The following CSTPP1 variants were observed in gnomAD, a reference collection of about 807,000 sequenced individuals.
The protein encoded by CSTPP1 is UPF0705 protein C11orf49.
chr11:47,071,029 TCC>T, the CSTPP1 span, among the ~76,000 whole-genome samples: 1 of 152,112 alleles, frequency 6.6e-6, no homozygotes, highest in African/African-American at 2.4e-5. Flanking sequence ...GTCCTGCCCA[TCC>T]TCAAATAGAC....
the CSTPP1 span, among the ~76,000 whole-genome samples, chr11:47,064,134 T>A: frequency 6.6e-6 from 1 of 152,142 alleles, no homozygotes; most frequent in Non-Finnish European, 1.5e-5. Flanking sequence ...TCTAGAGGAG[T>A]ATCTATTCAA....
the CSTPP1 span, among the ~76,000 whole-genome samples, chr11:47,063,576 A>G: frequency 6.6e-6 from 1 of 152,304 alleles, no homozygotes; most frequent in East Asian, 1.9e-4. Flanking sequence ...TGTGTACAAT[A>G]TCTGTCCTTT....
the CSTPP1 span, among the ~76,000 whole-genome samples, chr11:46,970,785 T>C: frequency 1.3e-5 from 2 of 152,174 alleles, no homozygotes; most frequent in Admixed American, 1.3e-4. Flanking sequence ...GTTACAGTCC[T>C]GTCAAGCAGT....
At chr11:47,135,031 C>A in the CSTPP1 span, among the ~76,000 whole-genome samples, 43 of 152,098 alleles carry the variant, frequency 2.8e-4, no homozygotes, top group African/African-American at 9.2e-4. Context: ...ATCACTTGAG[C>A]TCAGGAGTTC....
the CSTPP1 span, among the ~76,000 whole-genome samples, chr11:46,940,174 C>T: frequency 3.2e-4 from 48 of 152,204 alleles, no homozygotes; most frequent in African/African-American, 1.0e-3. Context: ...CGCCTGGCCT[C>T]GAAGTAATTT....
chr11:47,054,310 CA>C, the CSTPP1 span, among the ~76,000 whole-genome samples: 256 of 41,566 alleles, frequency 6.2e-3, no homozygotes, highest in African/African-American at 0.015. Flanking sequence ...TACTCCGTCT[CA>C]AAAAAAAAAA....
the CSTPP1 span, among the ~76,000 whole-genome samples, chr11:47,148,201 C>T: frequency 1.3e-5 from 2 of 152,284 alleles, no homozygotes; most frequent in Middle Eastern, 3.4e-3. Flanking sequence ...CGTGTCATCG[C>T]TGCTTCTCTC....
At chr11:47,137,376 C>T in the CSTPP1 span, 29 of 1,477,974 alleles carry the variant, frequency 2.0e-5, no homozygotes, top group Non-Finnish European at 2.3e-5. Flanking sequence ...CTCTTGTTTG[C>T]TCTCTTCACC....
At chr11:47,122,065 G>C in the CSTPP1 span, among the ~76,000 whole-genome samples, 1 of 23,842 alleles carries the variant, frequency 4.2e-5, no homozygotes, top group Non-Finnish European at 7.1e-5. Flanking sequence ...GCAAGACCCT[G>C]TCTCAAAAAA....
the CSTPP1 span, among the ~76,000 whole-genome samples, chr11:47,028,509 T>A: frequency 6.6e-6 from 1 of 152,150 alleles, no homozygotes; most frequent in African/African-American, 2.4e-5. Flanking sequence ...ACTGTAGTTC[T>A]AAGAACTGTA....
chr11:47,022,693 T>C, the CSTPP1 span, among the ~76,000 whole-genome samples: 969 of 152,250 alleles, frequency 6.4e-3, 16 homozygotes, highest in African/African-American at 0.022. Context: ...CTTAAAGCCA[T>C]ACACTATCCA....
chr11:47,119,421 G>A, the CSTPP1 span, among the ~76,000 whole-genome samples: 14 of 152,100 alleles, frequency 9.2e-5, no homozygotes, highest in Non-Finnish European at 1.6e-4. Context: ...TGGGTGAGGC[G>A]ACGCCCCACC....
At chr11:47,133,264 G>A in the CSTPP1 span, among the ~76,000 whole-genome samples, 2 of 152,252 alleles carry the variant, frequency 1.3e-5, no homozygotes, top group Non-Finnish European at 2.9e-5. Context: ...AGGCTTAGAA[G>A]AAGAAAGTTT....
chr11:47,033,928 G>C, the CSTPP1 span, among the ~76,000 whole-genome samples: 1 of 151,970 alleles, frequency 6.6e-6, no homozygotes, highest in Non-Finnish European at 1.5e-5. Flanking sequence ...ATGGGTTCTG[G>C]GTGGCCAGGG....
chr11:47,155,300 CCT>C, the CSTPP1 span: 26 of 1,523,958 alleles, frequency 1.7e-5, no homozygotes, highest in Middle Eastern at 1.7e-4. Context: ...CGCACAGGAC[CCT>C]GTCTCCCTGT....
chr11:47,119,997 G>A, the CSTPP1 span, among the ~76,000 whole-genome samples: 1 of 152,070 alleles, frequency 6.6e-6, no homozygotes, highest in South Asian at 2.1e-4. Context: ...GTAACCAGTG[G>A]AGCTGAGCTA....
the CSTPP1 span, among the ~76,000 whole-genome samples, chr11:47,015,819 C>T: frequency 2.0e-5 from 3 of 151,558 alleles, no homozygotes; most frequent in Non-Finnish European, 4.4e-5. Context: ...GGTGGTTTCA[C>T]ATTTAAAAAT....
the CSTPP1 span, among the ~76,000 whole-genome samples, chr11:47,117,630 G>C: frequency 5.1e-4 from 77 of 152,108 alleles, no homozygotes; most frequent in Non-Finnish European, 9.9e-4. Context: ...TTCTCAAAGA[G>C]TATCTTTGTG....
chr11:47,105,259 C>G, the CSTPP1 span, among the ~76,000 whole-genome samples: 1 of 152,096 alleles, frequency 6.6e-6, no homozygotes, highest in Non-Finnish European at 1.5e-5. Flanking sequence ...CTTTGGGAAG[C>G]AGATGTGAGG....
Sources: gnomAD v4.1 joint callset for allele counts (sites outside exome capture counted in the v4.1 genomes callset) on GRCh38, gnomAD v4.1.1 for gene constraint, MANE v1.5 for transcripts, NCBI Gene and HGNC (gene_info 2026-07-23, HGNC 2026-07-21) for gene names.